Variants in EML4 observed in about 807,000 individuals in gnomAD.
The protein encoded by EML4 is echinoderm microtubule-associated protein-like 4.
Under a neutral mutation model 129.0 loss-of-function variants are expected in EML4, and 72 were observed. The observed-to-expected ratio is 0.56, with a 90% CI of 0.46 to 0.68. EML4 has a LOEUF of 0.68. EML4 is among the 30% of genes least tolerant of loss of function. The probability of loss-of-function intolerance (pLI) is 0.00; values close to 1 mark genes in which losing one functional copy is unlikely to be tolerated. For missense variants in EML4, 1,363 were observed against 1,190.6 expected, an observed-to-expected ratio of 1.14 and a Z score of -2.13; for synonymous variants, 532 against 405.0, an observed-to-expected ratio of 1.31 and a Z score of -3.77.
chr2:42,313,280 A>G (rs1669062929), intron 17 of EML4, among the ~76,000 whole-genome samples: 1 of 152,130 alleles, frequency 6.6e-6, no homozygotes, highest in African/African-American at 2.4e-5. Flanking sequence ...CTTAACATGT[A>G]TTTGATTGAT....
chr2:42,188,651 C>G (rs376764766), intron 1 of EML4, among the ~76,000 whole-genome samples: 2 of 151,668 alleles, frequency 1.3e-5, no homozygotes, highest in African/African-American at 4.8e-5. Flanking sequence ...GTTAGCCTCC[C>G]GAGTAGCAGG....
intron 6 of EML4, 160 bp downstream of exon 6, chr2:42,264,891 A>G (rs1665965655): frequency 1.9e-6 from 3 of 1,548,744 alleles, no homozygotes; most frequent in Admixed American, 2.0e-5. Flanking sequence ...TTTTTATTGT[A>G]AGGTAATGTC....
intron 1 of EML4, among the ~76,000 whole-genome samples, chr2:42,176,995 G>A (rs1179857468): frequency 2.0e-5 from 3 of 152,090 alleles, no homozygotes; most frequent in African/African-American, 7.2e-5. Context: ...GTTTCACCAT[G>A]TTGGCCAGGC....
chr2:42,182,066 GTATT>G (rs1369741293), intron 1 of EML4, among the ~76,000 whole-genome samples: 1 of 146,712 alleles, frequency 6.8e-6, no homozygotes, highest in Admixed American at 6.8e-5. Flanking sequence ...TATGCTTAAT[GTATT>G]TATTTATTTG....
intron 13 of EML4, 122 bp downstream of exon 13, chr2:42,295,638 C>T (rs1233300435): frequency 4.1e-6 from 3 of 724,024 alleles, no homozygotes; most frequent in African/African-American, 3.6e-5. Flanking sequence ...CACCAACATA[C>T]CTTTTGTTTT....
chr2:42,247,033 A>G (rs904146846), intron 2 of EML4, among the ~76,000 whole-genome samples: 2 of 152,230 alleles, frequency 1.3e-5, no homozygotes, highest in Admixed American at 1.3e-4. Flanking sequence ...GACGGTGGTA[A>G]TAGCTAGGAG....
At chr2:42,252,825 C>T (rs1003213592) in intron 2 of EML4, among the ~76,000 whole-genome samples, 2 of 152,130 alleles carry the variant, frequency 1.3e-5, no homozygotes, top group Non-Finnish European at 2.9e-5. Context: ...TTCTTGAGCT[C>T]TGTGTCCCTA....
chr2:42,253,469 G>T (rs1489157808), intron 2 of EML4, among the ~76,000 whole-genome samples: 2 of 152,174 alleles, frequency 1.3e-5, no homozygotes, highest in African/African-American at 4.8e-5. Flanking sequence ...GCATATTACA[G>T]TTAGTGGCAT....
rs1446766519 is a variant in EML4 at position 42,331,553 on chromosome 2, T to C, written c.*1346T>C. 8.9e-6 allele frequency: 2 copies of C among 223,708 alleles called. No individual in the cohort carries two copies. The highest frequency in any genetic ancestry group is 2.2e-5 in the African/African-American group (1 of 44,812). The allele number at this position is 223,708 out of a possible 1,614,324, so 13.9% of individuals were successfully genotyped here. A position where few individuals can be genotyped will look rare whatever the true frequency, so the allele number is the denominator to read the frequency against. On this transcript the variant is annotated 3_prime_UTR_variant, in exon 23 of 23. Transcript: ENST00000318522. ...TTTGATTTTTTAACTTGCTGCATTG[T>C]TTTGATACTTTCTATTTTTTTGGTC...
chr2:42,323,127 G>T (rs779111259), intron 19 of EML4, among the ~76,000 whole-genome samples: 77 of 152,168 alleles, frequency 5.1e-4, no homozygotes, highest in Non-Finnish European at 9.7e-4. Context: ...GATGCAGATA[G>T]TATTTTTAAA....
intron 9 of EML4, 50 bp from the exon 10 acceptor site, chr2:42,286,219 T>G (rs1558575609): frequency 9.7e-7 from 1 of 1,031,784 alleles, no homozygotes; most frequent in Non-Finnish European, 1.5e-6. Flanking sequence ...GCTATTGGTG[T>G]TTATTTGCAT....
chr2:42,173,414 A>G (rs1317597512), intron 1 of EML4, among the ~76,000 whole-genome samples: 2 of 152,228 alleles, frequency 1.3e-5, no homozygotes, highest in South Asian at 2.1e-4. Context: ...AGCATCTTCA[A>G]CATGAGTTAG....
At chr2:42,231,776 T>C (rs1674361393) in intron 1 of EML4, among the ~76,000 whole-genome samples, 1 of 152,118 alleles carries the variant, frequency 6.6e-6, no homozygotes, top group South Asian at 2.1e-4. Context: ...GGTGAAACCC[T>C]GTCTCTACTA....
intron 1 of EML4, among the ~76,000 whole-genome samples, chr2:42,194,040 T>A (rs1671759712): frequency 1.3e-5 from 2 of 152,226 alleles, no homozygotes. Flanking sequence ...AGTTGCAGAA[T>A]TTCCCTTTTA....
At chr2:42,284,569 G>T in intron 8 of EML4, 65 bp from the exon 9 acceptor site, 2 of 1,159,886 alleles carry the variant, frequency 1.7e-6, no homozygotes, top group Non-Finnish European at 2.5e-6. Context: ...AAAAATGTCA[G>T]TACAAAGGTA....
intron 2 of EML4, among the ~76,000 whole-genome samples, chr2:42,253,721 GA>G (rs991015501): frequency 1.1e-4 from 16 of 151,344 alleles, no homozygotes; most frequent in South Asian, 2.1e-4. Flanking sequence ...ATGCCAGGGG[GA>G]AAAAAAAGAC....
chr2:42,286,269 C>T lies in EML4; in HGVS notation c.1012C>T (p.Pro338Ser). 2 of 1,601,252 alleles carry T rather than the reference C, an allele frequency of 1.2e-6. No individual in the cohort carries two copies. Among genetic ancestry groups the T allele is most frequent in the South Asian group, 1.1e-5 (1 of 90,874 alleles). Residue 338 changes from proline (P) to serine (S), a missense_variant and splice_region_variant, in exon 10 of 23, where the codon CCT becomes TCT. Pro to Ser is a moderately conservative substitution (Grantham distance 74). Coordinates refer to ENST00000318522, the MANE Select transcript of EML4 (RefSeq NM_019063.5). ...GCTCTGCTGTCTTGTGTTTTTGCAG[C>T]CTCTACAACCCCACGTCAGAGTGTG... Reference protein sequence around the residue: ...QIAGVDKDGRPLQPHVRVWDS... With the variant: ...QIAGVDKDGRSLQPHVRVWDS...
intron 2 of EML4, among the ~76,000 whole-genome samples, chr2:42,251,149 G>C (rs1675741716): frequency 6.6e-6 from 1 of 152,188 alleles, no homozygotes; most frequent in Non-Finnish European, 1.5e-5. Flanking sequence ...GGCCACAAAG[G>C]TACCAGTCTG....
At chr2:42,266,963 G>T (rs1391821597) in intron 6 of EML4, among the ~76,000 whole-genome samples, 2 of 152,188 alleles carry the variant, frequency 1.3e-5, no homozygotes, top group African/African-American at 4.8e-5. Flanking sequence ...TTGCATTTGA[G>T]TTGTCTATAA....
Sources: gnomAD v4.1 joint callset for allele counts (sites outside exome capture counted in the v4.1 genomes callset) on GRCh38, gnomAD v4.1.1 for gene constraint, MANE v1.5 for transcripts, NCBI Gene and HGNC (gene_info 2026-07-23, HGNC 2026-07-21) for gene names.